Variants in VAV3 observed in about 807,000 individuals in gnomAD.
VAV3 encodes vav guanine nucleotide exchange factor 3.
In VAV3, 94 loss-of-function variants were observed where a neutral mutation model predicts 131.2. The ratio of observed to expected loss-of-function variants is 0.72; its 90% CI spans 0.61 to 0.85. VAV3 has a LOEUF of 0.85. VAV3 is among the 40% of genes least tolerant of loss of function. The pLI is 0.00. For missense variants in VAV3, 939 were observed against 1,002.7 expected, an observed-to-expected ratio of 0.94 and a Z score of 0.86; for synonymous variants, 349 against 342.0, an observed-to-expected ratio of 1.02 and a Z score of -0.22.
intron 15 of VAV3, among the ~76,000 whole-genome samples, chr1:107,721,383 T>C (rs1661488919): frequency 6.6e-6 from 1 of 152,130 alleles, no homozygotes. Flanking sequence ...ATAACCTTTA[T>C]CAAGGTCTAG....
chr1:107,658,401 A>G (rs1237984706), intron 19 of VAV3, among the ~76,000 whole-genome samples: 1 of 152,218 alleles, frequency 6.6e-6, no homozygotes, highest in African/African-American at 2.4e-5. Context: ...TAGTGCTGCA[A>G]TAAACATACG....
At chr1:107,812,802 G>A (rs1022365337) in intron 2 of VAV3, among the ~76,000 whole-genome samples, 6 of 152,042 alleles carry the variant, frequency 3.9e-5, no homozygotes, top group African/African-American at 1.4e-4. Flanking sequence ...GTTGAAGCAG[G>A]AAGAGATATA....
chr1:107,664,720 T>C lies in VAV3; in HGVS notation c.1777+18768A>G, dbSNP rs572320470. Among the ~76,000 whole-genome samples the C allele has an allele frequency of 1.1e-3, 172 of 151,956 alleles. 1 individual carries two copies. Among genetic ancestry groups the C allele is most frequent in the Non-Finnish European group, 2.1e-3 (146 of 67,992 alleles). On this transcript the variant is annotated intron_variant, in intron 19 of 26. Coordinates refer to ENST00000370056, the MANE Select transcript of VAV3 (RefSeq NM_006113.5). Reference sequence around the variant, plus strand: ...ACCCAGACCATTAAAAAAAATACTATAGCAATGTTGTCATGGGAGAGGGAC... The same window carrying C: ...ACCCAGACCATTAAAAAAAATACTACAGCAATGTTGTCATGGGAGAGGGAC...
intron 2 of VAV3, 79 bp downstream of exon 2, chr1:107,874,822 T>G: frequency 4.0e-6 from 5 of 1,257,864 alleles, no homozygotes; most frequent in Non-Finnish European, 5.8e-6. Context: ...TTAAGTCACA[T>G]GCCCTACTTC....
intron 17 of VAV3, among the ~76,000 whole-genome samples, chr1:107,689,320 G>A (rs1659253949): frequency 6.6e-6 from 1 of 152,022 alleles, no homozygotes; most frequent in South Asian, 2.1e-4. Context: ...GAGACATCAG[G>A]ACAGAAAGAG....
chr1:107,588,364 T>C (rs2101039088), intron 25 of VAV3, among the ~76,000 whole-genome samples: 1 of 152,292 alleles, frequency 6.6e-6, no homozygotes, highest in Non-Finnish European at 1.5e-5. Context: ...GAAATAGAAG[T>C]AGGAAACCAA....
chr1:107,608,418 T>A (rs1383611609), intron 22 of VAV3, among the ~76,000 whole-genome samples: 1 of 152,224 alleles, frequency 6.6e-6, no homozygotes, highest in Non-Finnish European at 1.5e-5. Flanking sequence ...GTTCCTGATG[T>A]TTTTCAGTTT....
rs552067774 is a variant in VAV3 at position 107,640,790 on chromosome 1, T to C, written c.1914+1829A>G. 1.1e-4 allele frequency among the ~76,000 whole-genome samples: 17 copies of C among 152,034 alleles called. No individual in the cohort carries two copies. The East Asian group carries it at 2.1e-3, about 19-fold the overall frequency. On this transcript the variant is annotated intron_variant, in intron 20 of 26. Transcript: ENST00000370056. Reference sequence around the variant, plus strand: ...ACTTCCCCAACAAGCTTAGCTTTGGTTGTGGAGAGGAAGAGGGTGAAAGAG... The same window carrying C: ...ACTTCCCCAACAAGCTTAGCTTTGGCTGTGGAGAGGAAGAGGGTGAAAGAG...
intron 1 of VAV3, among the ~76,000 whole-genome samples, chr1:107,962,954 T>A (rs931780765): frequency 2.0e-5 from 3 of 152,230 alleles, no homozygotes; most frequent in African/African-American, 7.2e-5. Flanking sequence ...TAGAGCATTG[T>A]ATGTGCTCAA....
intron 2 of VAV3, among the ~76,000 whole-genome samples, chr1:107,816,938 G>A (rs1405941631): frequency 1.3e-5 from 2 of 152,130 alleles, no homozygotes; most frequent in African/African-American, 4.8e-5. Context: ...ATTGAACACG[G>A]CCAGAGTCTT....
intron 1 of VAV3, among the ~76,000 whole-genome samples, chr1:107,899,372 T>C (rs1354002986): frequency 6.6e-6 from 1 of 152,180 alleles, no homozygotes; most frequent in Non-Finnish European, 1.5e-5. Flanking sequence ...CTTATTAGGT[T>C]CTGCGCAAGG....
chr1:107,917,914 G>A (rs1029954518), intron 1 of VAV3, among the ~76,000 whole-genome samples: 24 of 152,214 alleles, frequency 1.6e-4, no homozygotes, highest in African/African-American at 5.8e-4. Flanking sequence ...TTCAGATGAG[G>A]AATGCTCAAC....
At chr1:107,599,105 T>G (rs1006174974) in intron 24 of VAV3, among the ~76,000 whole-genome samples, 1 of 152,162 alleles carries the variant, frequency 6.6e-6, no homozygotes, top group African/African-American at 2.4e-5. Context: ...CCAAATTTTA[T>G]GGAAGAAAAA....
chr1:107,817,303 AT>A (rs1280799835), intron 2 of VAV3, among the ~76,000 whole-genome samples: 1 of 152,102 alleles, frequency 6.6e-6, no homozygotes, highest in Non-Finnish European at 1.5e-5. Context: ...GATTTCCATT[AT>A]CAGAGAAGGG....
At chr1:107,952,468 T>TTTTTATATA (rs1553235441) in intron 1 of VAV3, among the ~76,000 whole-genome samples, 1 of 119,002 alleles carries the variant, frequency 8.4e-6, no homozygotes, top group Non-Finnish European at 1.7e-5. Flanking sequence ...TAACAAAACT[T>TTTTTATATA]TATATATATA....
intron 1 of VAV3, among the ~76,000 whole-genome samples, chr1:107,917,202 C>A (rs1161329024): frequency 6.6e-6 from 1 of 152,074 alleles, no homozygotes; most frequent in African/African-American, 2.4e-5. Context: ...GAGATGAGAA[C>A]CTGTACTCAA....
chr1:107,623,405 C>T (rs1479498890), intron 20 of VAV3, among the ~76,000 whole-genome samples: 2 of 152,068 alleles, frequency 1.3e-5, no homozygotes, highest in Non-Finnish European at 2.9e-5. Context: ...TTTTATTTGG[C>T]CCATTCATGT....
At chr1:107,713,367 A>T (rs934953343) in intron 15 of VAV3, among the ~76,000 whole-genome samples, 2 of 151,888 alleles carry the variant, frequency 1.3e-5, no homozygotes, top group South Asian at 2.1e-4. Context: ...TTATTTAAAT[A>T]AAAAAAACAC....
chr1:107,812,873 C>CA (rs1667385642), intron 2 of VAV3, among the ~76,000 whole-genome samples: 1 of 152,114 alleles, frequency 6.6e-6, no homozygotes, highest in Admixed American at 6.5e-5. Flanking sequence ...CCTGTAATCC[C>CA]AGCACTTTGG....
Sources: gnomAD v4.1 joint callset for allele counts (sites outside exome capture counted in the v4.1 genomes callset) on GRCh38, gnomAD v4.1.1 for gene constraint, MANE v1.5 for transcripts, NCBI Gene and HGNC (gene_info 2026-07-23, HGNC 2026-07-21) for gene names.